The following GID4 variants were observed in gnomAD, a reference collection of about 807,000 sequenced individuals.
The protein encoded by GID4 is GID complex subunit 4 homolog.
In GID4, 7 loss-of-function variants were observed where a neutral mutation model predicts 32.4. The observed-to-expected ratio is 0.22, with a 90% CI of 0.12 to 0.41. The LOEUF (loss-of-function observed/expected upper bound fraction) is 0.41, where lower values mean the gene tolerates loss of function less well. Ranked by LOEUF, GID4 falls within the 10% of genes least tolerant of loss-of-function variation. The probability of loss-of-function intolerance (pLI) is 1.00; values close to 1 mark genes in which losing one functional copy is unlikely to be tolerated. For missense variants in GID4, 309 were observed against 400.0 expected, an observed-to-expected ratio of 0.77 and a Z score of 1.94; for synonymous variants, 166 against 170.0, an observed-to-expected ratio of 0.98 and a Z score of 0.18.
chr17:18,058,834 C>A, intron 3 of GID4, 34 bp from the exon 4 acceptor site: 2 of 1,317,632 alleles, frequency 1.5e-6, no homozygotes, highest in South Asian at 1.2e-5. Context: ...CTCCTTCTCT[C>A]AGTCAATCGG....
At chr17:18,058,381 A>G (rs540811018) in intron 3 of GID4, among the ~76,000 whole-genome samples, 2 of 152,276 alleles carry the variant, frequency 1.3e-5, no homozygotes, top group South Asian at 2.1e-4. Flanking sequence ...CAAGGCTATC[A>G]TGTGTTTCTA....
rs1330341680 is a variant in GID4 at position 18,061,581 on chromosome 17, GT to G, written c.709-263del. ...TTATATATTAGATGTTTCGGCCATGGTACCTTCTCTGAATTGCTGATCCTAG... is the reference window on the plus strand; with the variant it reads ...TTATATATTAGATGTTTCGGCCATGGACCTTCTCTGAATTGCTGATCCTAG... On this transcript the variant is annotated intron_variant, in intron 4 of 5. Coordinates refer to ENST00000268719, the MANE Select transcript of GID4 (RefSeq NM_024052.5). The surrounding 1 kb of genome is among the most constrained non-coding windows in gnomAD (Gnocchi z 4.4). Among the ~76,000 whole-genome samples, 1 of 152,124 alleles carries G rather than the reference GT, an allele frequency of 6.6e-6. No homozygotes were observed. Among genetic ancestry groups the G allele is most frequent in the Non-Finnish European group, 1.5e-5 (1 of 68,030 alleles).
chr17:18,042,812 CT>C (rs1467356788), intron 1 of GID4, among the ~76,000 whole-genome samples: 1 of 152,224 alleles, frequency 6.6e-6, no homozygotes, highest in Non-Finnish European at 1.5e-5. Context: ...CACTGTTCAT[CT>C]TTTTTGTTGT....
chr17:18,068,208 G>A lies in GID4; in HGVS notation c.*2965G>A, dbSNP rs919451945. 1.3e-5 allele frequency: 2 copies of A among 152,398 alleles called. No homozygotes were observed. The highest frequency in any genetic ancestry group is 2.9e-5 in the Non-Finnish European group (2 of 67,992). 9.4% of individuals were successfully genotyped at this position (152,398 alleles called of 1,614,324 possible). On this transcript the variant is annotated 3_prime_UTR_variant, in exon 6 of 6. Transcript: ENST00000268719. ...GGTTTAAAATTACTAACAAGTTGTG[G>A]GAAAGAAAAATAATATTTGATTTTG...
intron 2 of GID4, among the ~76,000 whole-genome samples, chr17:18,052,556 T>C (rs1220043721): frequency 6.6e-6 from 1 of 152,202 alleles, no homozygotes; most frequent in African/African-American, 2.4e-5. Context: ...TCCAGGCCAG[T>C]GACTCTCATA....
chr17:18,051,881 T>C (rs189006915), intron 2 of GID4, among the ~76,000 whole-genome samples: 1 of 152,194 alleles, frequency 6.6e-6, no homozygotes, highest in Admixed American at 6.5e-5. Context: ...AAGACCGTCC[T>C]GGCTAACACC....
chr17:18,053,883 A>G (rs1414095648), intron 2 of GID4, among the ~76,000 whole-genome samples: 2 of 152,214 alleles, frequency 1.3e-5, no homozygotes, highest in African/African-American at 4.8e-5. Context: ...TAACAATTGA[A>G]GTCAAAGAAG....
In GID4 at chr17:18,048,349, C is replaced by T. The variant is rs187301126; in HGVS notation, c.498+3143C>T. Among the ~76,000 whole-genome samples, 6 of 152,216 alleles carry T rather than the reference C, an allele frequency of 3.9e-5. No individual in the cohort carries two copies. The East Asian group carries it at 1.2e-3, about 29-fold the overall frequency. ...TAGCTGGGATTACAGGCGTGCGCCA[C>T]CCTGCCCAACTAACTTTTATTTTTA... is the stretch of plus-strand genomic sequence containing the variant. On this transcript the variant is annotated intron_variant, in intron 2 of 5. Coordinates refer to ENST00000268719, the MANE Select transcript of GID4 (RefSeq NM_024052.5).
chr17:18,042,600 A>G (rs944682416), intron 1 of GID4, among the ~76,000 whole-genome samples: 1 of 152,354 alleles, frequency 6.6e-6, no homozygotes, highest in Admixed American at 6.5e-5. Flanking sequence ...TCTGGCTACT[A>G]TGAATAATAC....
intron 3 of GID4, chr17:18,056,738 A>G: frequency 1.3e-6 from 2 of 1,550,598 alleles, no homozygotes; most frequent in Non-Finnish European, 1.7e-6. Context: ...AGACTCTGCT[A>G]GACTGGACTG....
At chr17:18,055,320 A>AT (rs1278232420) in intron 3 of GID4, among the ~76,000 whole-genome samples, 3 of 152,126 alleles carry the variant, frequency 2.0e-5, no homozygotes, top group Non-Finnish European at 2.9e-5. Context: ...AGTAGCAAAG[A>AT]TTCTAGAACT....
At chr17:18,060,429 G>A (rs2045008812) in intron 4 of GID4, among the ~76,000 whole-genome samples, 1 of 151,502 alleles carries the variant, frequency 6.6e-6, no homozygotes, top group Non-Finnish European at 1.5e-5. Context: ...AAAAAGAAGT[G>A]GGGATCACCA....
chr17:18,055,141 A>G (rs1418041663), intron 3 of GID4, among the ~76,000 whole-genome samples: 1 of 151,584 alleles, frequency 6.6e-6, no homozygotes, highest in East Asian at 1.9e-4. Flanking sequence ...ACTGCGCTCC[A>G]GCCTGAGCAA....
At position 18,065,574 on chromosome 17, in the gene GID4, G is replaced by A. The variant is rs1232424019; in HGVS notation, c.*331G>A. On this transcript the variant is annotated 3_prime_UTR_variant, in exon 6 of 6. Transcript: ENST00000268719. ...TCCTTCCTCCGTCCCACCTCCAGCC[G>A]AATAGAAGGTCTGCTCCCGGATCAC... 3.3e-5 allele frequency: 11 copies of A among 336,020 alleles called. No homozygotes were observed. Among genetic ancestry groups the A allele is most frequent in the East Asian group, 1.6e-4 (2 of 12,760 alleles). 20.8% of individuals were successfully genotyped at this position (336,020 alleles called of 1,614,324 possible). A position where few individuals can be genotyped will look rare whatever the true frequency, so the allele number is the denominator to read the frequency against.
chr17:18,048,702 G>C (rs1174182849), intron 2 of GID4, among the ~76,000 whole-genome samples: 1 of 151,588 alleles, frequency 6.6e-6, no homozygotes, highest in Non-Finnish European at 1.5e-5. Context: ...GAGTGCAGTT[G>C]TGTGATCTCA....
chr17:18,061,823 G>C lies in GID4; in HGVS notation c.709-22G>C. On this transcript the variant is annotated intron_variant, in intron 4 of 5. Transcript: ENST00000268719. The surrounding 1 kb of genome is among the most constrained non-coding windows in gnomAD (Gnocchi z 4.4). ...TGGTCAGAGAATGCTATCTGTTACT[G>C]ACCCTCTTCATCTGTGTGCAGGAAC... 1.2e-6 allele frequency: 2 copies of C among 1,613,564 alleles called. No individual in the cohort carries two copies. The highest frequency in any genetic ancestry group is 1.7e-6 in the Non-Finnish European group (2 of 1,179,746).
chr17:18,065,591 C>T lies in GID4; in HGVS notation c.*348C>T. 3.0e-6 allele frequency: 1 copy of T among 331,642 alleles called. No individual in the cohort carries two copies. The highest frequency in any genetic ancestry group is 8.2e-5 in the East Asian group (1 of 12,234). The allele number at this position is 331,642 out of a possible 1,614,324, so 20.5% of individuals were successfully genotyped here. A position where few individuals can be genotyped will look rare whatever the true frequency, so the allele number is the denominator to read the frequency against. ...CTCCAGCCGAATAGAAGGTCTGCTC[C>T]CGGATCACCCTCAGCCTTGGTGCTC... On this transcript the variant is annotated 3_prime_UTR_variant, in exon 6 of 6. Coordinates refer to ENST00000268719, the MANE Select transcript of GID4 (RefSeq NM_024052.5).
intron 2 of GID4, among the ~76,000 whole-genome samples, chr17:18,047,594 A>T (rs754113752): frequency 2.6e-5 from 4 of 152,220 alleles, no homozygotes; most frequent in Non-Finnish European, 4.4e-5. Context: ...TGGCCCTTCA[A>T]TGGGGGCTAA....
At chr17:18,048,745 C>A (rs1351755287) in intron 2 of GID4, among the ~76,000 whole-genome samples, 1 of 151,772 alleles carries the variant, frequency 6.6e-6, no homozygotes. Flanking sequence ...CAGGTTCAAG[C>A]AATTCCCATG....
Sources: allele counts gnomAD v4.1 joint callset (sites outside exome capture counted in the v4.1 genomes callset), GRCh38; gene constraint gnomAD v4.1.1; non-coding constraint Gnocchi (gnomAD v3.1); transcripts MANE v1.5; gene names NCBI Gene and HGNC (gene_info 2026-07-23, HGNC 2026-07-21).